PPFIBP1: variants seen among roughly 807,000 people sequenced by gnomAD.
The protein encoded by PPFIBP1 is liprin-beta-1.
Under a neutral mutation model 137.8 loss-of-function variants are expected in PPFIBP1, and 112 were observed. The ratio of observed to expected loss-of-function variants is 0.81; its 90% CI spans 0.70 to 0.95. The LOEUF (loss-of-function observed/expected upper bound fraction) is 0.95, where lower values mean the gene tolerates loss of function less well. Ranked by LOEUF, PPFIBP1 falls within the 40% of genes least tolerant of loss-of-function variation. The probability of loss-of-function intolerance (pLI) is 0.00; values close to 1 mark genes in which losing one functional copy is unlikely to be tolerated. For missense variants in PPFIBP1, 1,083 were observed against 1,196.6 expected (o/e 0.91, Z 1.40); for synonymous variants, 378 against 417.3 (o/e 0.91, Z 1.15).
At chr12:27,675,538 T>C (rs1298268104) in intron 17 of PPFIBP1, among the ~76,000 whole-genome samples, 1 of 152,000 alleles carries the variant, frequency 6.6e-6, no homozygotes, top group African/African-American at 2.4e-5. Context: ...AGGGAAAGAA[T>C]AGAGAAATGA....
At chr12:27,577,766 T>G (rs2050695088) in intron 1 of PPFIBP1, among the ~76,000 whole-genome samples, 1 of 152,210 alleles carries the variant, frequency 6.6e-6, no homozygotes, top group Non-Finnish European at 1.5e-5. Context: ...TTTTTTACCT[T>G]AACGACAAAA....
At chr12:27,593,293 C>G (rs1027583019) in intron 2 of PPFIBP1, 12 of 308,798 alleles carry the variant, frequency 3.9e-5, no homozygotes, top group Non-Finnish European at 7.6e-5. Context: ...CTGTCTCCCA[C>G]TGGTATCACT....
chr12:27,668,510 C>T (rs1047990136), intron 13 of PPFIBP1, among the ~76,000 whole-genome samples: 1 of 152,220 alleles, frequency 6.6e-6, no homozygotes, highest in Non-Finnish European at 1.5e-5. Context: ...GCTTCCTTTG[C>T]CTATATTTGC....
chr12:27,676,451 G>A lies in PPFIBP1; in HGVS notation c.1434G>A (p.Arg478=), dbSNP rs202174851. The change falls in exon 18 of 30, where the codon AGG becomes AGA. Residue 478 remains arginine (R), a synonymous_variant. Transcript: ENST00000228425. ...AGGACAGAGCTCCGGCAGAAAGCAGGCCATTTGGGACCCTTCCTCCCAGGC... is the reference window on the plus strand; with the variant it reads ...AGGACAGAGCTCCGGCAGAAAGCAGACCATTTGGGACCCTTCCTCCCAGGC... The part of the protein sequence containing the change: ...TSEDRAPAES[R]PFGTLPPRPP... 487 of 1,552,224 alleles carry A rather than the reference G, an allele frequency of 3.1e-4. 1 individual carries two copies. The highest frequency in any genetic ancestry group is 4.0e-4 in the Non-Finnish European group (457 of 1,150,126).
At chr12:27,557,517 G>A (rs1490246354) in intron 1 of PPFIBP1, among the ~76,000 whole-genome samples, 1 of 152,164 alleles carries the variant, frequency 6.6e-6, no homozygotes, top group African/African-American at 2.4e-5. Context: ...ACAGGCATGA[G>A]CCACCACGCC....
At chr12:27,612,108 T>C (rs1280732418) in intron 2 of PPFIBP1, among the ~76,000 whole-genome samples, 2 of 152,166 alleles carry the variant, frequency 1.3e-5, no homozygotes, top group African/African-American at 4.8e-5. Flanking sequence ...GGACTGAATG[T>C]TTATTGCAAG....
intron 9 of PPFIBP1, among the ~76,000 whole-genome samples, chr12:27,657,853 A>T (rs1208248826): frequency 6.6e-6 from 1 of 152,176 alleles, no homozygotes; most frequent in Non-Finnish European, 1.5e-5. Flanking sequence ...CACACCTGTA[A>T]TTCCAGTACT....
intron 7 of PPFIBP1, among the ~76,000 whole-genome samples, chr12:27,651,519 T>G (rs531260577): frequency 1.3e-5 from 2 of 152,352 alleles, no homozygotes; most frequent in African/African-American, 4.8e-5. Flanking sequence ...TTAAAATTCT[T>G]GGTTTTGTAT....
At chr12:27,633,831 G>A (rs895505545) in intron 3 of PPFIBP1, among the ~76,000 whole-genome samples, 3 of 128,608 alleles carry the variant, frequency 2.3e-5, no homozygotes, top group Non-Finnish European at 4.9e-5. Context: ...AATGACTCCC[G>A]TATCTTTTTT....
At chr12:27,682,934 A>G (rs996140364) in intron 24 of PPFIBP1, among the ~76,000 whole-genome samples, 3 of 152,056 alleles carry the variant, frequency 2.0e-5, no homozygotes, top group Admixed American at 6.5e-5. Flanking sequence ...AAGCTAAGTG[A>G]AGCCTAATTT....
At chr12:27,592,581 C>T in intron 2 of PPFIBP1, 1 of 1,512,474 alleles carries the variant, frequency 6.6e-7, no homozygotes, top group Non-Finnish European at 9.2e-7. Context: ...GATACCTCCT[C>T]AGCAGAGGGG....
intron 1 of PPFIBP1, among the ~76,000 whole-genome samples, chr12:27,568,737 A>G (rs2049896397): frequency 6.6e-6 from 1 of 152,222 alleles, no homozygotes; most frequent in African/African-American, 2.4e-5. Context: ...CAGTGAATTT[A>G]TCAATAACCC....
At chr12:27,545,427 G>A (rs1395951617) in intron 1 of PPFIBP1, among the ~76,000 whole-genome samples, 2 of 152,102 alleles carry the variant, frequency 1.3e-5, no homozygotes, top group Non-Finnish European at 2.9e-5. Context: ...CAATCCAGTT[G>A]GGTAGCCTCA....
intron 1 of PPFIBP1, among the ~76,000 whole-genome samples, chr12:27,531,042 T>A (rs2135792724): frequency 6.6e-6 from 1 of 152,320 alleles, no homozygotes; most frequent in Non-Finnish European, 1.5e-5. Context: ...CCAAATGTGA[T>A]CTTAACTGAG....
At chr12:27,666,383 A>T (rs2059857295) in intron 12 of PPFIBP1, among the ~76,000 whole-genome samples, 1 of 152,248 alleles carries the variant, frequency 6.6e-6, no homozygotes, top group African/African-American at 2.4e-5. Context: ...TAGAATTAGA[A>T]TAACATTCTA....
chr12:27,549,786 C>T (rs1020709991), intron 1 of PPFIBP1, among the ~76,000 whole-genome samples: 3 of 152,204 alleles, frequency 2.0e-5, no homozygotes, highest in Non-Finnish European at 2.9e-5. Flanking sequence ...TATGCACACA[C>T]AACTGCCCCG....
intron 11 of PPFIBP1, among the ~76,000 whole-genome samples, chr12:27,661,920 A>T (rs577737021): frequency 1.8e-4 from 27 of 151,452 alleles, no homozygotes; most frequent in Non-Finnish European, 4.0e-4. Flanking sequence ...ACTATTGAAT[A>T]AAAAAAAAGT....
At chr12:27,597,590 G>A (rs185702105) in intron 2 of PPFIBP1, among the ~76,000 whole-genome samples, 39 of 152,266 alleles carry the variant, frequency 2.6e-4, no homozygotes, top group Admixed American at 1.8e-3. Flanking sequence ...TTCATAAGTA[G>A]CTTCTTCTCC....
At chr12:27,684,553 T>C (rs2061084513) in intron 24 of PPFIBP1, among the ~76,000 whole-genome samples, 1 of 152,162 alleles carries the variant, frequency 6.6e-6, no homozygotes, top group Non-Finnish European at 1.5e-5. Flanking sequence ...TGGAGTTCAG[T>C]TCATGGATTT....
Sources: gnomAD v4.1 joint callset for allele counts (sites outside exome capture counted in the v4.1 genomes callset) on GRCh38, gnomAD v4.1.1 for gene constraint, MANE v1.5 for transcripts, NCBI Gene and HGNC (gene_info 2026-07-23, HGNC 2026-07-21) for gene names.